The following HSPG2 variants were observed in gnomAD, a reference collection of about 807,000 sequenced individuals.
HSPG2 encodes heparan sulfate proteoglycan 2, also known as basement membrane-specific heparan sulfate proteoglycan core protein.
HSPG2 carries 278 observed loss-of-function variants against 526.6 expected under a neutral mutation model. That is an observed-to-expected ratio of 0.53 (90% CI 0.48 to 0.58). The LOEUF is 0.58. Among genes scored for constraint, HSPG2 ranks in the 20% least tolerant of loss-of-function variants. The probability of loss-of-function intolerance (pLI) is 0.00; values close to 1 mark genes in which losing one functional copy is unlikely to be tolerated. For missense variants in HSPG2, 5,354 were observed against 6,099.5 expected, an observed-to-expected ratio of 0.88 and a Z score of 4.07; for synonymous variants, 2,465 against 2,555.4, an observed-to-expected ratio of 0.96 and a Z score of 1.07.
intron 1 of HSPG2, among the ~76,000 whole-genome samples, chr1:21,931,762 T>G (rs1644356883): frequency 6.6e-6 from 1 of 152,118 alleles, no homozygotes; most frequent in South Asian, 2.1e-4. Context: ...CCCTCCCTCC[T>G]GAGCCTCTCA....
chr1:21,907,739 C>T (rs1643453848), intron 1 of HSPG2, among the ~76,000 whole-genome samples: 2 of 152,130 alleles, frequency 1.3e-5, no homozygotes, highest in Non-Finnish European at 2.9e-5. Flanking sequence ...GTCTCGAACT[C>T]CTGGTTTCAA....
Position 21,851,781 on chromosome 1 carries a change from C to T in HSPG2, c.7006+10G>A, listed in dbSNP as rs757245682. ...TCTGCATCCCAGCCCAGCCTGGTGGCCCCACTCACGGTAGGCTAAGTTGGC... is the reference window on the plus strand; with the variant it reads ...TCTGCATCCCAGCCCAGCCTGGTGGTCCCACTCACGGTAGGCTAAGTTGGC... On this transcript the variant is annotated intron_variant, in intron 54 of 96. Coordinates refer to ENST00000374695, the MANE Select transcript of HSPG2 (RefSeq NM_005529.7). 3 of 1,614,014 alleles carry T rather than the reference C, an allele frequency of 1.9e-6. No homozygotes were observed. The highest frequency in any genetic ancestry group is 2.5e-6 in the Non-Finnish European group (3 of 1,180,040).
chr1:21,831,914 C>T, intron 81 of HSPG2, 118 bp from the exon 82 acceptor site: 1 of 1,112,016 alleles, frequency 9.0e-7, no homozygotes. Context: ...CCTGCAGTCC[C>T]AGCCCTGGGG....
At chr1:21,857,726 C>T (rs966085594) in intron 42 of HSPG2, among the ~76,000 whole-genome samples, 1 of 152,190 alleles carries the variant, frequency 6.6e-6, no homozygotes, top group Non-Finnish European at 1.5e-5. Flanking sequence ...CCAAAAACAA[C>T]TATTTCACAC....
intron 1 of HSPG2, among the ~76,000 whole-genome samples, chr1:21,928,734 G>A (rs545423853): frequency 7.4e-5 from 11 of 147,856 alleles, no homozygotes; most frequent in East Asian, 4.1e-4. Context: ...GAGCCACCGC[G>A]CCCATCCTTT....
rs1639645275 is a variant in HSPG2, at chr1:21,859,724, C to T, written c.5183-48G>A. On this transcript the variant is annotated intron_variant, in intron 41 of 96. Coordinates refer to ENST00000374695, the MANE Select transcript of HSPG2 (RefSeq NM_005529.7). The surrounding 1 kb of genome is among the most constrained non-coding windows in gnomAD (Gnocchi z 5.3). ...TTGTTGGTGCAGATACACTCTTTCT[C>T]ACATCCAGCCCCATGCACAAGGACA... The T allele has an allele frequency of 1.3e-6, 2 of 1,582,892 alleles. No individual in the cohort carries two copies. Among genetic ancestry groups the T allele is most frequent in the East Asian group, 2.3e-5 (1 of 43,940 alleles).
rs369036041 is a variant in HSPG2 at position 21,902,470 on chromosome 1, A to G, written c.64-6160T>C. On this transcript the variant is annotated intron_variant, in intron 1 of 96. Coordinates refer to ENST00000374695, the MANE Select transcript of HSPG2 (RefSeq NM_005529.7). ...TCCACCACAACCTCACGAGGGAGAC[A>G]CTGGAGGCACACTCATTTGATAGAT... Among the ~76,000 whole-genome samples, 5 of 152,174 alleles carry G rather than the reference A, an allele frequency of 3.3e-5. No individual in the cohort carries two copies. In the East Asian group the frequency reaches 5.8e-4, roughly 18 times the overall value.
At position 21,859,979 on chromosome 1, in the gene HSPG2, C is replaced by G; in HGVS notation, c.5038G>C (p.Glu1680Gln). 2 of 1,610,592 alleles carry G rather than the reference C, an allele frequency of 1.2e-6. No individual in the cohort carries two copies. Among genetic ancestry groups the G allele is most frequent in the Non-Finnish European group, 1.7e-6 (2 of 1,179,130 alleles). Residue 1680 changes from glutamate (E) to glutamine (Q), a missense_variant, in exon 41 of 97, where the codon GAG (glutamate) becomes CAG (glutamine). Transcript: ENST00000374695. This position sits in a 1 kb window ranked among gnomAD's most constrained non-coding sequence, Gnocchi z 5.3. ...ACTATGCTTCGAGCAGGATGGACCT[C>G]GACCACCAGTGGGGCTTGGTTTGCT... ...PETNQAPLVV[E>Q]VHPARSIVPQ...
intron 39 of HSPG2, 45 bp downstream of exon 39, chr1:21,861,712 A>T (rs376356338): frequency 1.3e-6 from 2 of 1,557,428 alleles, no homozygotes; most frequent in African/African-American, 1.4e-5. Flanking sequence ...TTGGGAGTCC[A>T]CCATTTGTCC....
chr1:21,865,890 T>C lies in HSPG2; in HGVS notation c.4222-81A>G, dbSNP rs996513240. On this transcript the variant is annotated intron_variant, in intron 33 of 96. Transcript: ENST00000374695. The surrounding 1 kb of genome is among the most constrained non-coding windows in gnomAD (Gnocchi z 5.4). Reference sequence around the variant, plus strand: ...CCATATAGGTGAGGGATGGAGCATCTGGCGGCCTTTTTGCACCTGTGCCAC... The same window carrying C: ...CCATATAGGTGAGGGATGGAGCATCCGGCGGCCTTTTTGCACCTGTGCCAC... 3.5e-6 allele frequency: 4 copies of C among 1,139,700 alleles called. No individual in the cohort carries two copies. The highest frequency in any genetic ancestry group is 5.3e-6 in the Non-Finnish European group (4 of 756,036). The allele number at this position is 1,139,700 out of a possible 1,614,324, so 70.6% of individuals were successfully genotyped here.
intron 1 of HSPG2, among the ~76,000 whole-genome samples, chr1:21,930,126 C>A (rs1644310647): frequency 6.6e-6 from 1 of 152,128 alleles, no homozygotes; most frequent in African/African-American, 2.4e-5. Context: ...GCTCCAGCCC[C>A]ACGGGCCTCC....
rs1003107763 is a variant in HSPG2, at chr1:21,824,287, G to A, written c.12815+19C>T. The A allele has an allele frequency of 1.2e-6, 2 of 1,613,198 alleles. No individual in the cohort carries two copies. Among genetic ancestry groups the A allele is most frequent in the African/African-American group, 2.7e-5 (2 of 74,922 alleles). ...TGGGACCAGGGAAGGGAGAGGAAGG[G>A]CCAGGTGCCAGGACCTACCTGAAGA... On this transcript the variant is annotated intron_variant, in intron 94 of 96. Transcript: ENST00000374695. The surrounding 1 kb of genome is among the most constrained non-coding windows in gnomAD (Gnocchi z 5.9).
In HSPG2 at chr1:21,890,467, T is replaced by C. The variant is rs758269640; in HGVS notation, c.373A>G (p.Lys125Glu). Reference protein sequence around the residue: ...VVDTLESEYLKIPGDQVVSVV... With the variant: ...VVDTLESEYLEIPGDQVVSVV... ...CTGACAACCTGGTCTCCGGGAATTT[T>C]CAAGTACTCCGACTCCAGCTGGGGA... The change falls in exon 5 of 97, where the codon AAA becomes GAA. Residue 125 changes from lysine (K) to glutamate (E), a missense_variant. Coordinates refer to ENST00000374695, the MANE Select transcript of HSPG2 (RefSeq NM_005529.7). The surrounding 1 kb of genome is among the most constrained non-coding windows in gnomAD (Gnocchi z 4.1). 5.0e-6 allele frequency: 8 copies of C among 1,613,856 alleles called. No individual in the cohort carries two copies. Among genetic ancestry groups the C allele is most frequent in the Non-Finnish European group, 8.5e-7 (1 of 1,180,000 alleles).
chr1:21,911,841 G>T (rs534890203), intron 1 of HSPG2, among the ~76,000 whole-genome samples: 1 of 152,156 alleles, frequency 6.6e-6, no homozygotes, highest in South Asian at 2.1e-4. Context: ...CTCCCAGTTC[G>T]GTGCCAAGCC....
At chr1:21,911,252 TGG>T (rs575845637) in intron 1 of HSPG2, among the ~76,000 whole-genome samples, 31 of 152,244 alleles carry the variant, frequency 2.0e-4, no homozygotes, top group African/African-American at 6.7e-4. Flanking sequence ...TGAAGGATGG[TGG>T]GAAGATGTAC....
chr1:21,905,050 C>T (rs1643294984), intron 1 of HSPG2, among the ~76,000 whole-genome samples: 1 of 152,170 alleles, frequency 6.6e-6, no homozygotes, highest in Non-Finnish European at 1.5e-5. Context: ...ACGGCCGCTT[C>T]CTGAACCTGT....
chr1:21,842,874 C>A lies in HSPG2; in HGVS notation c.8806G>T (p.Val2936Leu). 1.9e-6 allele frequency: 3 copies of A among 1,614,070 alleles called. No individual in the cohort carries two copies. Among genetic ancestry groups the A allele is most frequent in the Non-Finnish European group, 2.5e-6 (3 of 1,180,020 alleles). The stretch of plus-strand genomic sequence containing the variant: ...AGATCCAGAGTCTGCCCTTCAGTCA[C>A]GTGTGAAGAGGAGGCCTCGATGTAG... ...PIYIEASSSHVTEGQTLDLNC... is the reference protein window; with the variant it reads ...PIYIEASSSHLTEGQTLDLNC... Residue 2936 changes from valine (V) to leucine (L), a missense_variant, in exon 67 of 97, where the codon GTG (valine) becomes TTG (leucine). By Grantham distance (32) the Val-to-Leu change is conservative. Coordinates refer to ENST00000374695, the MANE Select transcript of HSPG2 (RefSeq NM_005529.7).
chr1:21,846,514 G>T lies in HSPG2; in HGVS notation c.8250C>A (p.Val2750=), dbSNP rs1638447762. ...TGACCTGGGCATGGGCCTGCCCGGG[G>T]ACCACGCAGTTCAGATCCAGGGTCT... ...EGETLDLNCV[V]PGQAHAQVTW... The change falls in exon 63 of 97, where the codon GTC becomes GTA. Residue 2750 remains valine, a synonymous_variant. Transcript: ENST00000374695. 6.2e-7 allele frequency: 1 copy of T among 1,613,646 alleles called. No homozygotes were observed. Among genetic ancestry groups the T allele is most frequent in the Admixed American group, 1.7e-5 (1 of 60,014 alleles).
intron 37 of HSPG2, among the ~76,000 whole-genome samples, 188 bp from the exon 38 acceptor site, chr1:21,862,303 G>T (rs1639850803): frequency 6.6e-6 from 1 of 152,196 alleles, no homozygotes; most frequent in Non-Finnish European, 1.5e-5. Flanking sequence ...AGCAAAATGG[G>T]CTGGGCACAG....
Sources: gnomAD v4.1 joint callset for allele counts (sites outside exome capture counted in the v4.1 genomes callset) on GRCh38, gnomAD v4.1.1 for gene constraint, Gnocchi (gnomAD v3.1) non-coding constraint, MANE v1.5 for transcripts, NCBI Gene and HGNC (gene_info 2026-07-23, HGNC 2026-07-21) for gene names.